Variants in LMBR1 observed in about 807,000 individuals in gnomAD.
The protein encoded by LMBR1 is limb region 1 protein homolog.
Under a neutral mutation model 73.9 loss-of-function variants are expected in LMBR1, and 52 were observed. The ratio of observed to expected loss-of-function variants is 0.70; its 90% CI spans 0.56 to 0.89. The LOEUF is 0.89. Among genes scored for constraint, LMBR1 ranks in the 40% least tolerant of loss-of-function variants. LMBR1 has a pLI of 0.00. For synonymous variants in LMBR1, 215 were observed against 209.4 expected, an observed-to-expected ratio of 1.03 and a Z score of -0.23; for missense variants, 539 against 579.8, an observed-to-expected ratio of 0.93 and a Z score of 0.72.
intron 1 of LMBR1, among the ~76,000 whole-genome samples, chr7:156,856,150 G>A (rs1796938635): frequency 3.9e-5 from 6 of 151,934 alleles, no homozygotes; most frequent in South Asian, 4.2e-4. Flanking sequence ...AGCCGAGATC[G>A]CACCACTGCA....
downstream of LMBR1, among the ~76,000 whole-genome samples, chr7:156,677,444 CT>C (rs1804275516): frequency 6.6e-6 from 1 of 152,198 alleles, no homozygotes; most frequent in South Asian, 2.1e-4. Context: ...ACACAGTCTC[CT>C]TTGCCCCCGA....
At chr7:156,724,594 G>A (rs1233776172) in intron 14 of LMBR1, among the ~76,000 whole-genome samples, 3 of 152,038 alleles carry the variant, frequency 2.0e-5, no homozygotes, top group African/African-American at 7.2e-5. Flanking sequence ...AATGTTAATT[G>A]TAAGATTTAA....
chr7:156,870,503 C>T (rs1052296967), intron 1 of LMBR1, among the ~76,000 whole-genome samples: 33 of 152,276 alleles, frequency 2.2e-4, no homozygotes, highest in African/African-American at 7.9e-4. Context: ...CAGTGGCTCA[C>T]GCCTGTAATC....
At chr7:156,699,585 C>A (rs1261678700) in intron 15 of LMBR1, among the ~76,000 whole-genome samples, 1 of 151,922 alleles carries the variant, frequency 6.6e-6, no homozygotes, top group East Asian at 1.9e-4. Context: ...AGCTTCTGCA[C>A]AGCAAAAGAA....
At chr7:156,733,367 A>G (rs1284999074) in intron 10 of LMBR1, among the ~76,000 whole-genome samples, 1 of 152,220 alleles carries the variant, frequency 6.6e-6, no homozygotes, top group East Asian at 1.9e-4. Context: ...AGACAAAAAC[A>G]TTGTAAGTGT....
chr7:156,688,230 G>A, intron 15 of LMBR1, 39 bp from the exon 16 acceptor site: 1 of 1,443,858 alleles, frequency 6.9e-7, no homozygotes, highest in Non-Finnish European at 9.4e-7. Flanking sequence ...ATGAAATCAG[G>A]TTAAGACATA....
At chr7:156,706,457 C>T (rs1585285175) in intron 15 of LMBR1, among the ~76,000 whole-genome samples, 1 of 152,166 alleles carries the variant, frequency 6.6e-6, no homozygotes, top group African/African-American at 2.4e-5. Context: ...TTCTACTCAT[C>T]AGCACATAAA....
intron 9 of LMBR1, among the ~76,000 whole-genome samples, chr7:156,741,174 A>G (rs189951074): frequency 8.9e-4 from 136 of 152,340 alleles, no homozygotes; most frequent in African/African-American, 3.2e-3. Flanking sequence ...AAAAATAAAA[A>G]GCAAGAAATT....
chr7:156,863,475 C>T (rs1798016553), intron 1 of LMBR1, among the ~76,000 whole-genome samples: 1 of 152,168 alleles, frequency 6.6e-6, no homozygotes, highest in African/African-American at 2.4e-5. Flanking sequence ...AACGCCCTCA[C>T]AGACACACCC....
At chr7:156,766,483 C>G (rs1824103765) in intron 5 of LMBR1, among the ~76,000 whole-genome samples, 1 of 152,134 alleles carries the variant, frequency 6.6e-6, no homozygotes, top group Non-Finnish European at 1.5e-5. Flanking sequence ...AGGTTTACAA[C>G]TAGCATCCAT....
rs369002873 is a variant in LMBR1, at chr7:156,788,173, GC to G, written c.423+8215del. 7.9e-4 allele frequency among the ~76,000 whole-genome samples: 121 copies of G among 152,312 alleles called. No homozygotes were observed. In the East Asian group the frequency reaches 0.016, roughly 20 times the overall value. ...CATAAGGCCGGGTACAGTAGCTCAA[GC>G]CTGGAATCCCAGCATTTTGGGAAGT... is the stretch of plus-strand genomic sequence containing the variant. On this transcript the variant is annotated intron_variant, in intron 5 of 16. Coordinates refer to ENST00000353442, the MANE Select transcript of LMBR1 (RefSeq NM_022458.4).
downstream of LMBR1, among the ~76,000 whole-genome samples, chr7:156,675,094 G>A (rs531236957): frequency 1.5e-4 from 23 of 152,342 alleles, no homozygotes; most frequent in African/African-American, 2.9e-4. Flanking sequence ...CTAAGGCAGC[G>A]CAGACCGGAA....
chr7:156,881,245 G>C (rs185381985), intron 1 of LMBR1, among the ~76,000 whole-genome samples: 96 of 152,266 alleles, frequency 6.3e-4, no homozygotes, highest in Non-Finnish European at 1.1e-3. Flanking sequence ...AACGGGGAAA[G>C]AAAAATGTCC....
intron 4 of LMBR1, among the ~76,000 whole-genome samples, chr7:156,799,011 G>A (rs542709470): frequency 2.0e-5 from 3 of 150,956 alleles, no homozygotes; most frequent in Non-Finnish European, 4.4e-5. Flanking sequence ...GGCCAGCATG[G>A]TGAAACCCTG....
chr7:156,782,827 G>C (rs1827386690), intron 5 of LMBR1, among the ~76,000 whole-genome samples: 1 of 152,228 alleles, frequency 6.6e-6, no homozygotes, highest in Non-Finnish European at 1.5e-5. Context: ...TTACAGGAAT[G>C]AGCCACTGGG....
intron 1 of LMBR1, among the ~76,000 whole-genome samples, chr7:156,891,212 ATATAT>A (rs566148129): frequency 0.016 from 714 of 44,414 alleles, 30 homozygotes; most frequent in Non-Finnish European, 0.022. Context: ...AAAAAAAAAA[ATATAT>A]ATATATATAT....
Position 156,681,288 on chromosome 7 carries a change from C to G in LMBR1, c.*2790G>C. On this transcript the variant is annotated 3_prime_UTR_variant, in exon 17 of 17. Coordinates refer to ENST00000353442, the MANE Select transcript of LMBR1 (RefSeq NM_022458.4). Reference sequence around the variant, plus strand: ...AGAGCAGGTACACGTGCGCCTTTAACACATCTGAGAGCAAAACGCGAGAGG... The same window carrying G: ...AGAGCAGGTACACGTGCGCCTTTAAGACATCTGAGAGCAAAACGCGAGAGG... The G allele has an allele frequency of 2.5e-6, 1 of 399,766 alleles. No homozygotes were observed. Among genetic ancestry groups the G allele is most frequent in the Admixed American group, 3.7e-5 (1 of 26,746 alleles). 24.8% of individuals were successfully genotyped at this position (399,766 alleles called of 1,614,324 possible). A position where few individuals can be genotyped will look rare whatever the true frequency, so the allele number is the denominator to read the frequency against.
chr7:156,784,483 A>C (rs1010464775), intron 5 of LMBR1, among the ~76,000 whole-genome samples: 1 of 152,172 alleles, frequency 6.6e-6, no homozygotes, highest in Non-Finnish European at 1.5e-5. Flanking sequence ...ACTTCAGCCC[A>C]AAGCAAATGC....
At chr7:156,788,359 T>C (rs1030733343) in intron 5 of LMBR1, among the ~76,000 whole-genome samples, 1 of 152,218 alleles carries the variant, frequency 6.6e-6, no homozygotes, top group Non-Finnish European at 1.5e-5. Context: ...ATTGTTACTA[T>C]TAGTATGCTC....
Sources: gnomAD v4.1 joint callset for allele counts (sites outside exome capture counted in the v4.1 genomes callset) on GRCh38, gnomAD v4.1.1 for gene constraint, MANE v1.5 for transcripts, NCBI Gene and HGNC (gene_info 2026-07-23, HGNC 2026-07-21) for gene names.